PTGER2: variants seen among roughly 807,000 people sequenced by gnomAD.
PTGER2 encodes the protein prostaglandin E receptor 2, also known as prostaglandin E2 receptor EP2 subtype.
A neutral mutation model predicts 26.2 loss-of-function variants in PTGER2; 22 were observed. The ratio of observed to expected loss-of-function variants is 0.84; its 90% CI spans 0.60 to 1.20. The LOEUF (loss-of-function observed/expected upper bound fraction) is 1.20. Ranked by LOEUF, PTGER2 falls within the 50% of genes most tolerant of loss-of-function variation. PTGER2 has a pLI of 0.00. For synonymous variants in PTGER2, 219 were observed against 208.9 expected (o/e 1.05, Z -0.42); for missense variants, 458 against 475.2 (o/e 0.96, Z 0.34).
rs1327678012 is a variant in PTGER2 at position 52,328,231 on chromosome 14, C to A, written c.*777C>A. The A allele has an allele frequency of 6.6e-6, 1 of 152,610 alleles. No individual in the cohort carries two copies. The highest frequency in any genetic ancestry group is 1.5e-5 in the Non-Finnish European group (1 of 68,034). 9.5% of individuals were successfully genotyped at this position (152,610 alleles called of 1,614,324 possible). On this transcript the variant is annotated 3_prime_UTR_variant, in exon 2 of 2. Coordinates refer to ENST00000245457, the MANE Select transcript of PTGER2 (RefSeq NM_000956.4). ...TTAATACTCTTTATTTATCCTATTTCTGGGGGAGGATGTACGTGGCCATGT... is the reference window on the plus strand; with the variant it reads ...TTAATACTCTTTATTTATCCTATTTATGGGGGAGGATGTACGTGGCCATGT...
intron 1 of PTGER2, among the ~76,000 whole-genome samples, chr14:52,323,103 A>G (rs1182356587): frequency 3.9e-5 from 6 of 152,178 alleles, no homozygotes; most frequent in African/African-American, 1.4e-4. Context: ...GGAACGGATA[A>G]ATGTCCATGA....
chr14:52,317,635 T>C lies in PTGER2; in HGVS notation c.843+2244T>C, dbSNP rs553593207. 7.5e-5 allele frequency among the ~76,000 whole-genome samples: 5 copies of C among 66,370 alleles called. No homozygotes were observed. The East Asian group carries it at 2.3e-3, about 31-fold the overall frequency. The allele number at this position is 66,370 out of a possible 152,430, so 43.5% of individuals were successfully genotyped here. ...GCTGTGTTTTTATTTCAATTTCCTGTTTATGGCTTAGGGGGAGCCAGATGG... is the reference window on the plus strand; with the variant it reads ...GCTGTGTTTTTATTTCAATTTCCTGCTTATGGCTTAGGGGGAGCCAGATGG... On this transcript the variant is annotated intron_variant, in intron 1 of 1. Coordinates refer to ENST00000245457, the MANE Select transcript of PTGER2 (RefSeq NM_000956.4).
intron 1 of PTGER2, among the ~76,000 whole-genome samples, chr14:52,318,810 T>G (rs532759358): frequency 2.4e-4 from 37 of 152,204 alleles, no homozygotes; most frequent in Non-Finnish European, 4.1e-4. Context: ...AAAACTGTAG[T>G]TTTTTTTAAA....
At chr14:52,323,139 C>T (rs1484868373) in intron 1 of PTGER2, among the ~76,000 whole-genome samples, 1 of 152,204 alleles carries the variant, frequency 6.6e-6, no homozygotes, top group African/African-American at 2.4e-5. Flanking sequence ...TATTCCTCTG[C>T]CGCGGCTCCA....
chr14:52,323,207 G>A (rs1269206596), intron 1 of PTGER2, among the ~76,000 whole-genome samples: 2 of 152,118 alleles, frequency 1.3e-5, no homozygotes, highest in African/African-American at 4.8e-5. Flanking sequence ...AGGGAGAAAT[G>A]CCTCAGAATA....
At chr14:52,327,142 C>A in intron 1 of PTGER2, 79 bp from the exon 2 acceptor site, 1 of 1,070,260 alleles carries the variant, frequency 9.3e-7, no homozygotes, top group Non-Finnish European at 1.3e-6. Flanking sequence ...TTTTAAATCT[C>A]AAGACATAAC....
Position 52,315,407 on chromosome 14 carries a change from CGT to C in PTGER2, c.843+17_843+18del, listed in dbSNP as rs2033830502. Reference sequence around the variant, plus strand: ...GCCTTTCACGGTAAGTCACTCCCTACGTTTCCACAGCCCGGCTCTGCTCAGCC... The same window carrying C: ...GCCTTTCACGGTAAGTCACTCCCTACTTCCACAGCCCGGCTCTGCTCAGCC... On this transcript the variant is annotated intron_variant, in intron 1 of 1. Transcript: ENST00000245457. 6 of 1,610,550 alleles carry C rather than the reference CGT, an allele frequency of 3.7e-6. No individual in the cohort carries two copies. The highest frequency in any genetic ancestry group is 1.3e-5 in the African/African-American group (1 of 74,880).
chr14:52,315,225 A>G lies in PTGER2; in HGVS notation c.677A>G (p.His226Arg). The change falls in exon 1 of 2, where the codon CAC (histidine) becomes CGC (arginine). Residue 226 changes from histidine (H) to arginine (R), a missense_variant. Physicochemically the swap from His to Arg is conservative, Grantham distance 29. Coordinates refer to ENST00000245457, the MANE Select transcript of PTGER2 (RefSeq NM_000956.4). ...FSVILNLIRMHRRSRRSRCGP... is the reference protein window; with the variant it reads ...FSVILNLIRMRRRSRRSRCGP... ...GTCATTCTCAACCTCATCCGCATGCACCGCCGAAGCCGGAGAAGCCGCTGC... is the reference window on the plus strand; with the variant it reads ...GTCATTCTCAACCTCATCCGCATGCGCCGCCGAAGCCGGAGAAGCCGCTGC... The G allele has an allele frequency of 3.7e-6, 6 of 1,610,934 alleles. No individual in the cohort carries two copies. The highest frequency in any genetic ancestry group is 4.2e-6 in the Non-Finnish European group (5 of 1,179,712).
At chr14:52,322,687 C>A (rs1039984893) in intron 1 of PTGER2, among the ~76,000 whole-genome samples, 1 of 152,036 alleles carries the variant, frequency 6.6e-6, no homozygotes, top group African/African-American at 2.4e-5. Context: ...ACAGACACTC[C>A]CAGAGCGGCC....
In PTGER2 at chr14:52,314,315, G is replaced by T; in HGVS notation, c.-234G>T. 5.6e-6 allele frequency: 2 copies of T among 355,644 alleles called. No individual in the cohort carries two copies. The highest frequency in any genetic ancestry group is 9.7e-6 in the Non-Finnish European group (2 of 205,192). 22.0% of individuals were successfully genotyped at this position (355,644 alleles called of 1,614,324 possible). A position where few individuals can be genotyped will look rare whatever the true frequency, so the allele number is the denominator to read the frequency against. On this transcript the variant is annotated 5_prime_UTR_variant, in exon 1 of 2. Coordinates refer to ENST00000245457, the MANE Select transcript of PTGER2 (RefSeq NM_000956.4). The surrounding 1 kb of genome is among the most constrained non-coding windows in gnomAD (Gnocchi z 5.7). Reference sequence around the variant, plus strand: ...CTGGCTCCCGGCCTTGGCCGGCGCGGGTAGGCGCGGGAGCCTCGAGCGCCG... The same window carrying T: ...CTGGCTCCCGGCCTTGGCCGGCGCGTGTAGGCGCGGGAGCCTCGAGCGCCG...
rs777362244 is a variant in PTGER2 at position 52,314,563 on chromosome 14, C to T, written c.15C>T (p.Ser5=). The T allele has an allele frequency of 4.0e-6, 6 of 1,497,478 alleles. No individual in the cohort carries two copies. In the South Asian group the frequency reaches 8.4e-5, roughly 21 times the overall value. The allele number at this position is 1,497,478 out of a possible 1,614,324, so 92.8% of individuals were successfully genotyped here. Reference sequence around the variant, plus strand: ...GGCACCCCACCATGGGCAATGCCTCCAATGACTCCCAGTCTGAGGACTGCG... The same window carrying T: ...GGCACCCCACCATGGGCAATGCCTCTAATGACTCCCAGTCTGAGGACTGCG... MGNA[S]NDSQSEDCET... Residue 5 remains serine, a synonymous_variant, in exon 1 of 2, where the codon TCC becomes TCT. Transcript: ENST00000245457. This position sits in a 1 kb window ranked among gnomAD's most constrained non-coding sequence, Gnocchi z 5.7.
chr14:52,325,515 GT>G, intron 1 of PTGER2, among the ~76,000 whole-genome samples: 1 of 152,360 alleles, frequency 6.6e-6, no homozygotes, highest in South Asian at 2.1e-4. Flanking sequence ...GCACACGTGT[GT>G]GTGCATATGT....
intron 1 of PTGER2, among the ~76,000 whole-genome samples, chr14:52,317,268 T>G (rs1394295920): frequency 6.6e-6 from 1 of 152,000 alleles, no homozygotes; most frequent in Non-Finnish European, 1.5e-5. Context: ...AACACACTTG[T>G]GAAACGATTT....
In PTGER2 at chr14:52,321,970, C is replaced by T. The variant is rs538337267; in HGVS notation, c.844-5251C>T. Reference sequence around the variant, plus strand: ...ATAAATGAATAATTTTAAACTATTCCAGGTTTTAGATAAGGTTCTAAAGGG... The same window carrying T: ...ATAAATGAATAATTTTAAACTATTCTAGGTTTTAGATAAGGTTCTAAAGGG... On this transcript the variant is annotated intron_variant, in intron 1 of 1. Transcript: ENST00000245457. Among the ~76,000 whole-genome samples, 3 of 152,146 alleles carry T rather than the reference C, an allele frequency of 2.0e-5. No individual in the cohort carries two copies. The South Asian group carries it at 6.2e-4, about 32-fold the overall frequency.
chr14:52,324,268 A>G (rs902547361), intron 1 of PTGER2, among the ~76,000 whole-genome samples: 9 of 152,206 alleles, frequency 5.9e-5, no homozygotes, highest in Non-Finnish European at 1.3e-4. Flanking sequence ...GAGGGTGGGG[A>G]GGACCTGGGC....
chr14:52,321,305 C>T (rs1218060879), intron 1 of PTGER2, among the ~76,000 whole-genome samples: 1 of 152,040 alleles, frequency 6.6e-6, no homozygotes, highest in African/African-American at 2.4e-5. Flanking sequence ...ATAGTCAGGA[C>T]ACCTTAGTGT....
intron 1 of PTGER2, among the ~76,000 whole-genome samples, chr14:52,326,645 T>G (rs2033953960): frequency 6.6e-6 from 1 of 152,216 alleles, no homozygotes; most frequent in Non-Finnish European, 1.5e-5. Context: ...ATACTCCCAC[T>G]CAGGGTGTTC....
chr14:52,315,659 G>T (rs1360321782), intron 1 of PTGER2, among the ~76,000 whole-genome samples: 2 of 151,860 alleles, frequency 1.3e-5, no homozygotes, highest in Admixed American at 6.6e-5. Context: ...AGCTAAGCTA[G>T]CCAATCTCCT....
At chr14:52,318,554 C>T (rs1281882353) in intron 1 of PTGER2, among the ~76,000 whole-genome samples, 1 of 152,136 alleles carries the variant, frequency 6.6e-6, no homozygotes, top group Non-Finnish European at 1.5e-5. Flanking sequence ...CCACTCCTTC[C>T]TCAGGATAAC....
Sources: gnomAD v4.1 joint callset for allele counts (sites outside exome capture counted in the v4.1 genomes callset) on GRCh38, gnomAD v4.1.1 for gene constraint, Gnocchi (gnomAD v3.1) non-coding constraint, MANE v1.5 for transcripts, NCBI Gene and HGNC (gene_info 2026-07-23, HGNC 2026-07-21) for gene names.